Variants in ST6GALNAC3 observed in about 807,000 individuals in gnomAD.
The protein encoded by ST6GALNAC3 is alpha-N-acetylgalactosaminide alpha-2,6-sialyltransferase 3.
In ST6GALNAC3, 25 loss-of-function variants were observed where a neutral mutation model predicts 32.7. The ratio of observed to expected loss-of-function variants is 0.76; its 90% CI spans 0.56 to 1.07. ST6GALNAC3 has a LOEUF of 1.07. Among genes scored for constraint, ST6GALNAC3 ranks in the 50% least tolerant of loss-of-function variants. The pLI is 0.00. For synonymous variants in ST6GALNAC3, 129 were observed against 133.1 expected (o/e 0.97, Z 0.21); for missense variants, 355 against 382.4 (o/e 0.93, Z 0.60).
chr1:76,550,525 C>A (rs1557560307), intron 3 of ST6GALNAC3, among the ~76,000 whole-genome samples: 1 of 152,060 alleles, frequency 6.6e-6, no homozygotes, highest in African/African-American at 2.4e-5. Context: ...GACAGTACTA[C>A]TCCTTGATTA....
chr1:76,124,275 C>CGGGA (rs1310434373), intron 1 of ST6GALNAC3, among the ~76,000 whole-genome samples: 1 of 128,510 alleles, frequency 7.8e-6, no homozygotes, highest in Admixed American at 8.5e-5. Context: ...AGGTAGAGAG[C>CGGGA]TGTGAAGCTG....
intron 3 of ST6GALNAC3, among the ~76,000 whole-genome samples, chr1:76,417,832 G>T (rs751454004): frequency 6.6e-6 from 1 of 152,132 alleles, no homozygotes; most frequent in Non-Finnish European, 1.5e-5. Context: ...CACCTTCAGG[G>T]ATGGATGAAA....
At chr1:76,238,855 C>T (rs1351217132) in intron 1 of ST6GALNAC3, among the ~76,000 whole-genome samples, 4 of 151,500 alleles carry the variant, frequency 2.6e-5, no homozygotes, top group South Asian at 2.1e-4. Context: ...TTTTTTGGTT[C>T]ACAATTTTTA....
chr1:76,234,726 G>T (rs923402479), intron 1 of ST6GALNAC3, among the ~76,000 whole-genome samples: 31 of 152,110 alleles, frequency 2.0e-4, no homozygotes, highest in Non-Finnish European at 3.8e-4. Context: ...AAAAGTTGTT[G>T]TTTTATAAAA....
chr1:76,471,827 T>C (rs1177941480), intron 3 of ST6GALNAC3, among the ~76,000 whole-genome samples: 1 of 152,078 alleles, frequency 6.6e-6, no homozygotes, highest in East Asian at 1.9e-4. Flanking sequence ...TACAAGAATG[T>C]CTAAGTTCTA....
intron 2 of ST6GALNAC3, among the ~76,000 whole-genome samples, chr1:76,334,852 A>G (rs1007792256): frequency 2.0e-5 from 3 of 152,236 alleles, no homozygotes; most frequent in African/African-American, 7.2e-5. Flanking sequence ...ATGTGAGGTC[A>G]GTTTCAAGAG....
At chr1:76,204,277 C>A (rs1654699204) in intron 1 of ST6GALNAC3, among the ~76,000 whole-genome samples, 1 of 152,138 alleles carries the variant, frequency 6.6e-6, no homozygotes. Context: ...CTTTCTTTAC[C>A]CATTTATCCA....
At chr1:76,172,645 A>G (rs762684480) in intron 1 of ST6GALNAC3, among the ~76,000 whole-genome samples, 1 of 152,192 alleles carries the variant, frequency 6.6e-6, no homozygotes, top group Non-Finnish European at 1.5e-5. Context: ...AAGTCTCAGG[A>G]TACAAAATTA....
intron 1 of ST6GALNAC3, among the ~76,000 whole-genome samples, chr1:76,093,829 C>T (rs990502032): frequency 1.3e-5 from 2 of 152,178 alleles, no homozygotes; most frequent in African/African-American, 4.8e-5. Flanking sequence ...TTTGTCCTGT[C>T]TTTTCTTGAC....
intron 2 of ST6GALNAC3, among the ~76,000 whole-genome samples, chr1:76,370,846 GTCCA>G (rs980528179): frequency 2.6e-5 from 4 of 151,736 alleles, no homozygotes; most frequent in Non-Finnish European, 5.9e-5. Context: ...CCATTCACAT[GTCCA>G]TCCATCCATC....
intron 2 of ST6GALNAC3, among the ~76,000 whole-genome samples, chr1:76,397,981 C>T (rs1464764378): frequency 2.0e-5 from 3 of 152,040 alleles, no homozygotes; most frequent in Non-Finnish European, 2.9e-5. Flanking sequence ...ATTAATACTT[C>T]CCTTCACCCT....
At chr1:76,148,190 A>G (rs1020091889) in intron 1 of ST6GALNAC3, among the ~76,000 whole-genome samples, 2 of 152,164 alleles carry the variant, frequency 1.3e-5, no homozygotes, top group African/African-American at 2.4e-5. Context: ...CTGTTTCCTC[A>G]GTTGAGCCCT....
At chr1:76,180,012 A>G (rs1653077176) in intron 1 of ST6GALNAC3, among the ~76,000 whole-genome samples, 2 of 152,170 alleles carry the variant, frequency 1.3e-5, no homozygotes, top group Non-Finnish European at 2.9e-5. Flanking sequence ...TTCACTGCAC[A>G]TTTCATCATC....
At chr1:76,082,536 A>C (rs1646911013) in intron 1 of ST6GALNAC3, among the ~76,000 whole-genome samples, 1 of 152,238 alleles carries the variant, frequency 6.6e-6, no homozygotes, top group Non-Finnish European at 1.5e-5. Flanking sequence ...AATGAGGTGA[A>C]GGGATTATCT....
intron 1 of ST6GALNAC3, among the ~76,000 whole-genome samples, chr1:76,270,865 C>G (rs1310470867): frequency 6.6e-6 from 1 of 152,168 alleles, no homozygotes; most frequent in Non-Finnish European, 1.5e-5. Flanking sequence ...GTTTTGGGGG[C>G]AGGGGCTGAC....
chr1:76,496,733 A>G (rs143821732), intron 3 of ST6GALNAC3, among the ~76,000 whole-genome samples: 18 of 152,192 alleles, frequency 1.2e-4, no homozygotes, highest in African/African-American at 4.1e-4. Flanking sequence ...AGGTTCCTTA[A>G]TGATAATGAG....
intron 2 of ST6GALNAC3, among the ~76,000 whole-genome samples, chr1:76,380,036 A>G (rs912931074): frequency 6.6e-6 from 1 of 152,210 alleles, no homozygotes; most frequent in African/African-American, 2.4e-5. Context: ...AAAGAAAAAC[A>G]TATGGCAGCT....
In ST6GALNAC3 at chr1:76,627,457, A is replaced by G. The variant is rs116645266; in HGVS notation, c.629A>G (p.Gln210Arg). 1.1e-5 allele frequency: 17 copies of G among 1,608,050 alleles called. No individual in the cohort carries two copies. The African/African-American group carries it at 1.5e-4, about 14-fold the overall frequency. ...TTTGTTTTCATTTCCCTCAGAGTCC[A>G]GTCTGGCTCATATCTCAGCACAGGG... ...FKKETGKDRVQSGSYLSTGWF... is the reference protein window; with the variant it reads ...FKKETGKDRVRSGSYLSTGWF... Residue 210 changes from glutamine (Q) to arginine (R), a missense_variant, in exon 4 of 5, where the codon CAG (glutamine) becomes CGG (arginine). Transcript: ENST00000328299.
intron 1 of ST6GALNAC3, among the ~76,000 whole-genome samples, chr1:76,271,471 A>C (rs1658840856): frequency 6.6e-6 from 1 of 152,240 alleles, no homozygotes; most frequent in Non-Finnish European, 1.5e-5. Context: ...AAATGCACAG[A>C]AATGCTTGTC....
Sources: allele counts gnomAD v4.1 joint callset (sites outside exome capture counted in the v4.1 genomes callset), GRCh38; gene constraint gnomAD v4.1.1; transcripts MANE v1.5; gene names NCBI Gene and HGNC (gene_info 2026-07-23, HGNC 2026-07-21).